Variants in VPS13B observed in about 807,000 individuals in gnomAD.
VPS13B encodes the protein vacuolar protein sorting 13 homolog B.
A neutral mutation model predicts 426.4 loss-of-function variants in VPS13B; 285 were observed. That is an observed-to-expected ratio of 0.67 (90% CI 0.61 to 0.74). VPS13B has a LOEUF of 0.74. Among genes scored for constraint, VPS13B ranks in the 30% least tolerant of loss-of-function variants. VPS13B has a pLI of 0.00. For synonymous variants in VPS13B, 1,676 were observed against 1,676.4 expected (o/e 1.00, Z 0.01); for missense variants, 4,537 against 4,782.6 (o/e 0.95, Z 1.51).
At chr8:99,422,072 G>A (rs766439596) in intron 21 of VPS13B, among the ~76,000 whole-genome samples, 2 of 152,152 alleles carry the variant, frequency 1.3e-5, no homozygotes, top group Admixed American at 6.6e-5. Flanking sequence ...ATAGATGGGC[G>A]TGAAGCTTGA....
intron 6 of VPS13B, among the ~76,000 whole-genome samples, chr8:99,113,577 T>G (rs1341743026): frequency 6.6e-6 from 1 of 152,208 alleles, no homozygotes; most frequent in African/African-American, 2.4e-5. Context: ...TTCTTCTTTT[T>G]TTTTGAGACG....
chr8:99,098,213 A>G (rs1329720162), intron 4 of VPS13B, among the ~76,000 whole-genome samples: 1 of 152,126 alleles, frequency 6.6e-6, no homozygotes, highest in African/African-American at 2.4e-5. Flanking sequence ...TAGCTGCTCC[A>G]TACATTCTCT....
chr8:99,135,225 G>T, intron 10 of VPS13B, 88 bp downstream of exon 10: 1 of 1,541,686 alleles, frequency 6.5e-7, no homozygotes. Flanking sequence ...ATATCTGTTA[G>T]ACTATATATA....
chr8:99,551,086 C>G (rs1413766253), intron 30 of VPS13B, among the ~76,000 whole-genome samples: 1 of 151,994 alleles, frequency 6.6e-6, no homozygotes, highest in Non-Finnish European at 1.5e-5. Context: ...TATTTTTCTT[C>G]TTACCTGCTT....
intron 33 of VPS13B, among the ~76,000 whole-genome samples, chr8:99,601,893 T>C (rs1353893101): frequency 6.6e-6 from 1 of 152,238 alleles, no homozygotes; most frequent in East Asian, 1.9e-4. Flanking sequence ...ATTCTAGATA[T>C]TAGCACTTTG....
chr8:99,544,985 T>C (rs1365689016), intron 30 of VPS13B, among the ~76,000 whole-genome samples: 1 of 152,172 alleles, frequency 6.6e-6, no homozygotes, highest in African/African-American at 2.4e-5. Flanking sequence ...TAGTTTGTGC[T>C]CTGAACCACT....
chr8:99,195,938 C>T (rs1193065792), intron 17 of VPS13B, among the ~76,000 whole-genome samples: 1 of 152,124 alleles, frequency 6.6e-6, no homozygotes, highest in African/African-American at 2.4e-5. Context: ...CATGCCAGTA[C>T]CATGCTGTTT....
intron 39 of VPS13B, among the ~76,000 whole-genome samples, chr8:99,757,955 C>G (rs559919049): frequency 6.6e-6 from 1 of 152,300 alleles, no homozygotes; most frequent in East Asian, 1.9e-4. Flanking sequence ...AACCAATTTA[C>G]TTGTTCCCAC....
At chr8:99,119,797 A>T (rs1306198254) in intron 7 of VPS13B, among the ~76,000 whole-genome samples, 2 of 152,118 alleles carry the variant, frequency 1.3e-5, no homozygotes, top group Non-Finnish European at 2.9e-5. Flanking sequence ...GATTTAAAGG[A>T]GTATGTGTAT....
chr8:99,364,318 G>A (rs994655415), intron 19 of VPS13B, among the ~76,000 whole-genome samples: 6 of 152,076 alleles, frequency 3.9e-5, no homozygotes, highest in African/African-American at 1.4e-4. Context: ...ATCCCACTTG[G>A]TCATGATGAA....
chr8:99,528,552 G>A (rs1822768242), intron 30 of VPS13B, among the ~76,000 whole-genome samples: 1 of 151,926 alleles, frequency 6.6e-6, no homozygotes, highest in African/African-American at 2.4e-5. Context: ...CATAATAATT[G>A]CATGCTTTGT....
chr8:99,178,993 C>G, intron 16 of VPS13B, among the ~76,000 whole-genome samples: 1 of 151,308 alleles, frequency 6.6e-6, no homozygotes, highest in East Asian at 1.9e-4. Flanking sequence ...ATAGCAGGTT[C>G]TAGATAAGAA....
intron 19 of VPS13B, among the ~76,000 whole-genome samples, chr8:99,337,293 C>T (rs1810957600): frequency 7.0e-6 from 1 of 142,440 alleles, no homozygotes; most frequent in South Asian, 2.1e-4. Flanking sequence ...TATTCTCACT[C>T]ATAGGTGGGA....
Position 99,096,415 on chromosome 8 carries a change from A to G in VPS13B, c.395A>G (p.Asp132Gly). The change falls in exon 4 of 62, where the codon GAT becomes GGT. Residue 132 changes from aspartate (D) to glycine (G), a missense_variant. Around this residue, in one of 2 missense-constraint regions of VPS13B, gnomAD observed 226 missense variants for 308.3 expected, o/e 0.73. Transcript: ENST00000357162. ...PRRMQQAAPT[D>G]PDLPPGYVQS... ...AGAATGCAGCAGGCTGCTCCTACAG[A>G]TCCTGACTTACCACCAGGTAACTTC... is the stretch of plus-strand genomic sequence containing the variant. 1 of 1,614,066 alleles carries G rather than the reference A, an allele frequency of 6.2e-7. No homozygotes were observed. Among genetic ancestry groups the G allele is most frequent in the Non-Finnish European group, 8.5e-7 (1 of 1,179,962 alleles).
At chr8:99,647,003 A>G (rs1829605090) in intron 34 of VPS13B, among the ~76,000 whole-genome samples, 1 of 152,164 alleles carries the variant, frequency 6.6e-6, no homozygotes, top group Admixed American at 6.5e-5. Context: ...ATATAATGCA[A>G]AAATAGCCTA....
chr8:99,657,098 C>G (rs977284451), intron 34 of VPS13B, among the ~76,000 whole-genome samples: 1 of 152,140 alleles, frequency 6.6e-6, no homozygotes, highest in African/African-American at 2.4e-5. Flanking sequence ...TTCTCCTGTG[C>G]TTTCTACTAT....
chr8:99,118,316 TA>T (rs1392367624), intron 7 of VPS13B, among the ~76,000 whole-genome samples: 17 of 152,174 alleles, frequency 1.1e-4, no homozygotes, highest in Non-Finnish European at 2.1e-4. Context: ...CCTTTCAAAT[TA>T]AGTTACATAC....
intron 13 of VPS13B, among the ~76,000 whole-genome samples, chr8:99,145,375 A>G (rs780374846): frequency 2.0e-5 from 3 of 152,122 alleles, no homozygotes; most frequent in Admixed American, 6.5e-5. Context: ...TGTGTTCACT[A>G]CCATGGTCAA....
intron 39 of VPS13B, among the ~76,000 whole-genome samples, chr8:99,741,662 T>G (rs1809731050): frequency 6.6e-6 from 1 of 152,172 alleles, no homozygotes; most frequent in Non-Finnish European, 1.5e-5. Flanking sequence ...AACTCAGGAT[T>G]AAGAAACTCA....
Sources: gnomAD v4.1 joint callset for allele counts (sites outside exome capture counted in the v4.1 genomes callset) on GRCh38, gnomAD v4.1.1 for gene constraint, gnomAD v4.1.1 regional missense constraint, MANE v1.5 for transcripts, NCBI Gene and HGNC (gene_info 2026-07-23, HGNC 2026-07-21) for gene names.